The following TMPRSS11A variants were observed in gnomAD, a reference collection of about 807,000 sequenced individuals.
The protein encoded by TMPRSS11A is transmembrane serine protease 11A, also known as transmembrane protease serine 11A.
In TMPRSS11A, 53 loss-of-function variants were observed where a neutral mutation model predicts 58.9. That is an observed-to-expected ratio of 0.90 (90% CI 0.72 to 1.13). The LOEUF (loss-of-function observed/expected upper bound fraction) is 1.13, where lower values mean the gene tolerates loss of function less well. Among genes scored for constraint, TMPRSS11A ranks in the 50% most tolerant of loss-of-function variants. The pLI is 0.00. For synonymous variants in TMPRSS11A, 167 were observed against 169.8 expected (o/e 0.98, Z 0.13); for missense variants, 493 against 499.3 (o/e 0.99, Z 0.12).
chr4:67,941,604 G>A lies in TMPRSS11A; in HGVS notation c.252+2915C>T, dbSNP rs1262219417. 6.6e-5 allele frequency among the ~76,000 whole-genome samples: 10 copies of A among 152,118 alleles called. 1 individual carries two copies. Among genetic ancestry groups the A allele is most frequent in the Admixed American group, 3.9e-4 (6 of 15,274 alleles). On this transcript the variant is annotated intron_variant, in intron 3 of 9. Transcript: ENST00000508048. ...CTGCAAGACCCAGGTGCCAAGAAAT[G>A]CATGCAATGAACTCAATAATAATAC...
intron 3 of TMPRSS11A, among the ~76,000 whole-genome samples, chr4:67,936,320 A>G (rs926143664): frequency 4.2e-5 from 6 of 143,954 alleles, no homozygotes; most frequent in Admixed American, 1.4e-4. Flanking sequence ...TCATATCTGT[A>G]TAAAACTCTA....
intron 1 of TMPRSS11A, among the ~76,000 whole-genome samples, chr4:67,950,835 G>T (rs1041344406): frequency 6.6e-6 from 1 of 152,218 alleles, no homozygotes; most frequent in East Asian, 1.9e-4. Flanking sequence ...TACAAAGTAA[G>T]TGCTTAAAAA....
At chr4:67,916,580 A>G (rs1409798347) in intron 8 of TMPRSS11A, among the ~76,000 whole-genome samples, 1 of 152,090 alleles carries the variant, frequency 6.6e-6, no homozygotes, top group East Asian at 1.9e-4. Flanking sequence ...TAATCCCAGC[A>G]CTTTGGGAGG....
At chr4:67,918,467 G>A (rs1720219846) in intron 8 of TMPRSS11A, among the ~76,000 whole-genome samples, 1 of 152,200 alleles carries the variant, frequency 6.6e-6, no homozygotes, top group South Asian at 2.1e-4. Flanking sequence ...GAATATTTGA[G>A]TTAGCCACTC....
At chr4:67,915,491 G>A (rs896637170) in intron 8 of TMPRSS11A, among the ~76,000 whole-genome samples, 2 of 152,142 alleles carry the variant, frequency 1.3e-5, no homozygotes, top group Non-Finnish European at 2.9e-5. Context: ...TATGAGGGAT[G>A]CCATTCTCAT....
intron 4 of TMPRSS11A, among the ~76,000 whole-genome samples, chr4:67,931,479 TC>T (rs34079508): frequency 6.6e-6 from 1 of 152,140 alleles, no homozygotes; most frequent in Non-Finnish European, 1.5e-5. Flanking sequence ...ATATGAGTCT[TC>T]CCCCTCCACC....
chr4:67,959,888 T>G (rs1721382218), intron 1 of TMPRSS11A, among the ~76,000 whole-genome samples: 1 of 152,218 alleles, frequency 6.6e-6, no homozygotes, highest in Non-Finnish European at 1.5e-5. Flanking sequence ...TGCTGTGCTA[T>G]TCACAATAGC....
At chr4:67,935,648 G>A (rs1431177828) in intron 3 of TMPRSS11A, among the ~76,000 whole-genome samples, 1 of 152,046 alleles carries the variant, frequency 6.6e-6, no homozygotes, top group African/African-American at 2.4e-5. Context: ...TGCTTTGCAT[G>A]CTGTTGGTAT....
At chr4:67,949,084 GAA>G (rs1045841576) in intron 1 of TMPRSS11A, among the ~76,000 whole-genome samples, 13 of 151,572 alleles carry the variant, frequency 8.6e-5, no homozygotes, top group African/African-American at 2.7e-4. Flanking sequence ...CATTTGAAAA[GAA>G]AAAAAGACCA....
intron 8 of TMPRSS11A, 67 bp from the exon 9 acceptor site, chr4:67,914,797 A>T: frequency 7.6e-7 from 1 of 1,310,776 alleles, no homozygotes; most frequent in Non-Finnish European, 1.1e-6. Flanking sequence ...AAGTGAGCAG[A>T]CTTTCCTAAT....
intron 1 of TMPRSS11A, among the ~76,000 whole-genome samples, chr4:67,961,505 T>TGAGACAGAGTC (rs1721426222): frequency 1.5e-5 from 1 of 64,648 alleles, no homozygotes; most frequent in Non-Finnish European, 2.9e-5. Context: ...TTTTTTTTTT[T>TGAGACAGAGTC]TTTTTTTTTT....
chr4:67,946,591 A>G lies in TMPRSS11A; in HGVS notation c.12-20T>C, dbSNP rs1262695625. 1.9e-6 allele frequency: 3 copies of G among 1,602,482 alleles called. No homozygotes were observed. The highest frequency in any genetic ancestry group is 2.6e-6 in the Non-Finnish European group (3 of 1,175,168). On this transcript the variant is annotated intron_variant, in intron 1 of 9. Coordinates refer to ENST00000508048, the MANE Select transcript of TMPRSS11A (RefSeq NM_001114387.2). ...ACTGTCCTGAGAAAAGGAAGGGCCC[A>G]CTGGTTACTCTCAGATAGCAATGCT...
intron 3 of TMPRSS11A, among the ~76,000 whole-genome samples, chr4:67,941,489 C>G (rs1009271634): frequency 1.3e-5 from 2 of 152,164 alleles, no homozygotes; most frequent in Non-Finnish European, 2.9e-5. Context: ...TTAATTATAT[C>G]ATGTCATGAT....
chr4:67,912,853 G>A (rs541799182), intron 9 of TMPRSS11A, among the ~76,000 whole-genome samples: 1 of 152,222 alleles, frequency 6.6e-6, no homozygotes, highest in South Asian at 2.1e-4. Context: ...GTAAGCTTCA[G>A]AACTAGGAGC....
intron 7 of TMPRSS11A, among the ~76,000 whole-genome samples, chr4:67,922,267 C>CA (rs1449125131): frequency 6.6e-6 from 1 of 152,172 alleles, no homozygotes; most frequent in East Asian, 1.9e-4. Flanking sequence ...CTTCATATGT[C>CA]AATGCTCTAA....
chr4:67,913,567 T>A (rs539994666), intron 9 of TMPRSS11A, among the ~76,000 whole-genome samples: 1 of 152,342 alleles, frequency 6.6e-6, no homozygotes, highest in East Asian at 1.9e-4. Flanking sequence ...TTCAGTAATG[T>A]CATGGTTCAC....
At chr4:67,959,776 G>T (rs980140103) in intron 1 of TMPRSS11A, among the ~76,000 whole-genome samples, 2 of 152,104 alleles carry the variant, frequency 1.3e-5, no homozygotes, top group Admixed American at 1.3e-4. Flanking sequence ...ATTTCTCAAA[G>T]AACTTAAGAC....
chr4:67,954,242 A>G (rs1015603142), intron 1 of TMPRSS11A, among the ~76,000 whole-genome samples: 5 of 152,228 alleles, frequency 3.3e-5, no homozygotes, highest in Admixed American at 1.3e-4. Context: ...AACTCAGGAG[A>G]TTGAGGCTGA....
intron 1 of TMPRSS11A, among the ~76,000 whole-genome samples, chr4:67,957,704 G>A (rs914899710): frequency 1.3e-5 from 2 of 152,132 alleles, no homozygotes; most frequent in Non-Finnish European, 2.9e-5. Flanking sequence ...ATTCAAGCCG[G>A]CTGCAGAAAT....
Sources: gnomAD v4.1 joint callset for allele counts (sites outside exome capture counted in the v4.1 genomes callset) on GRCh38, gnomAD v4.1.1 for gene constraint, MANE v1.5 for transcripts, NCBI Gene and HGNC (gene_info 2026-07-23, HGNC 2026-07-21) for gene names.